The following EFCAB13 variants were observed in gnomAD, a reference collection of about 807,000 sequenced individuals.
EFCAB13 encodes the protein EF-hand calcium binding domain 13, also known as EF-hand calcium-binding domain-containing protein 13.
In EFCAB13, 91 loss-of-function variants were observed where a neutral mutation model predicts 110.2. The ratio of observed to expected loss-of-function variants is 0.83; its 90% CI spans 0.70 to 0.98. The LOEUF is 0.98. Among genes scored for constraint, EFCAB13 ranks in the 50% least tolerant of loss-of-function variants. The pLI, the probability that EFCAB13 is intolerant of heterozygous loss-of-function variation, is 0.00. For missense variants in EFCAB13, 968 were observed against 1,119.4 expected, an observed-to-expected ratio of 0.86 and a Z score of 1.93; for synonymous variants, 323 against 369.9, an observed-to-expected ratio of 0.87 and a Z score of 1.45.
rs1365987364 is a variant in EFCAB13 at position 47,432,477 on chromosome 17, A to C, written c.2638+2516A>C. 2.6e-5 allele frequency among the ~76,000 whole-genome samples: 4 copies of C among 152,036 alleles called. No homozygotes were observed. In the East Asian group the frequency reaches 7.7e-4, roughly 29 times the overall value. On this transcript the variant is annotated intron_variant, in intron 24 of 24. Coordinates refer to ENST00000331493, the MANE Select transcript of EFCAB13 (RefSeq NM_152347.5). ...TGTGATAGCGTGAGCCTGTAGTCTC[A>C]ACTACTTGGGGGGTTGAGGCAAGAA...
At chr17:47,355,550 ACTTC>A (rs1421697217) in intron 9 of EFCAB13, among the ~76,000 whole-genome samples, 1 of 149,586 alleles carries the variant, frequency 6.7e-6, no homozygotes, top group East Asian at 1.9e-4. Context: ...GTAATCCCAA[ACTTC>A]CTGGAGGCTT....
At position 47,409,635 on chromosome 17, in the gene EFCAB13, C is replaced by CT; in HGVS notation, c.2234-11dup. ...ATTCCTCATTGTGTAATGTCTCTCT[C>CT]TAAATTTGCAGATTTCAGGAAAGAG... is the stretch of plus-strand genomic sequence containing the variant. On this transcript the variant is annotated splice_polypyrimidine_tract_variant and intron_variant, in intron 20 of 24. Coordinates refer to ENST00000331493, the MANE Select transcript of EFCAB13 (RefSeq NM_152347.5). 3.1e-6 allele frequency: 5 copies of CT among 1,606,512 alleles called. No homozygotes were observed. The highest frequency in any genetic ancestry group is 4.3e-6 in the Non-Finnish European group (5 of 1,173,476).
intron 9 of EFCAB13, among the ~76,000 whole-genome samples, chr17:47,352,446 T>C (rs2065458835): frequency 6.6e-6 from 1 of 152,190 alleles, no homozygotes. Flanking sequence ...GTTCCACTGA[T>C]TTATGTTTCT....
In EFCAB13 at chr17:47,440,911, G is replaced by C. The variant is rs865885101; in HGVS notation, c.*197G>C. 1.4e-5 allele frequency: 6 copies of C among 433,678 alleles called. No homozygotes were observed. The highest frequency in any genetic ancestry group is 2.4e-5 in the Non-Finnish European group (6 of 249,798). The allele number at this position is 433,678 out of a possible 1,614,324, so 26.9% of individuals were successfully genotyped here. ...CTTTTTAAACATTCATGCTTTTTGA[G>C]GTATAATGTACATATGGCAAAATTC... On this transcript the variant is annotated 3_prime_UTR_variant, in exon 25 of 25. Transcript: ENST00000331493.
chr17:47,328,721 A>G (rs2065302392), intron 4 of EFCAB13: 1 of 203,854 alleles, frequency 4.9e-6, no homozygotes, highest in African/African-American at 2.3e-5. Flanking sequence ...CCAAAAAATA[A>G]TGTAGAGGAC....
chr17:47,417,058 T>G (rs908875217), intron 23 of EFCAB13, among the ~76,000 whole-genome samples: 2 of 152,218 alleles, frequency 1.3e-5, no homozygotes, highest in African/African-American at 2.4e-5. Flanking sequence ...AATGATTGAT[T>G]AACACATATC....
chr17:47,344,482 C>A (rs932961246), intron 7 of EFCAB13, among the ~76,000 whole-genome samples, 190 bp downstream of exon 7: 43 of 152,116 alleles, frequency 2.8e-4, no homozygotes, highest in Non-Finnish European at 4.3e-4. Context: ...ATTGACCTAA[C>A]ATGCTTAGAC....
At chr17:47,325,923 A>ATATAT (rs2065280385) in intron 2 of EFCAB13, among the ~76,000 whole-genome samples, 106 of 102,552 alleles carry the variant, frequency 1.0e-3, no homozygotes, top group African/African-American at 3.4e-3. Flanking sequence ...ATATAAACAA[A>ATATAT]ATATATATAT....
rs576103488 is a variant in EFCAB13, at chr17:47,399,210, A to G, written c.1946-2922A>G. 3.3e-5 allele frequency among the ~76,000 whole-genome samples: 5 copies of G among 152,320 alleles called. No homozygotes were observed. The East Asian group carries it at 9.6e-4, about 29-fold the overall frequency. ...GATTACAGGCATGAGCTACCGCACC[A>G]GGCCTGTGTTTATTATTCTGTACTT... On this transcript the variant is annotated intron_variant, in intron 17 of 24. Transcript: ENST00000331493.
intron 9 of EFCAB13, among the ~76,000 whole-genome samples, chr17:47,353,432 C>A (rs1468768017): frequency 6.6e-6 from 1 of 151,864 alleles, no homozygotes; most frequent in African/African-American, 2.4e-5. Flanking sequence ...GTAACTGGTA[C>A]TACAGGCATG....
intron 4 of EFCAB13, among the ~76,000 whole-genome samples, chr17:47,330,935 T>C (rs1317715331): frequency 6.6e-6 from 1 of 152,102 alleles, no homozygotes; most frequent in Non-Finnish European, 1.5e-5. Context: ...CAACATTTAT[T>C]GTTTTTTGAC....
intron 4 of EFCAB13, 57 bp from the exon 5 acceptor site, chr17:47,335,139 T>C: frequency 6.9e-7 from 1 of 1,453,668 alleles, no homozygotes; most frequent in Non-Finnish European, 9.2e-7. Flanking sequence ...CAGAATGTCA[T>C]ATTTAATATG....
intron 5 of EFCAB13, chr17:47,340,101 C>T (rs1200693686): frequency 6.6e-6 from 1 of 152,062 alleles, no homozygotes; most frequent in African/African-American, 2.4e-5. Flanking sequence ...TAAGTCTATG[C>T]GTTCAAAATG....
At chr17:47,418,857 A>G (rs1904537206) in intron 23 of EFCAB13, among the ~76,000 whole-genome samples, 1 of 152,172 alleles carries the variant, frequency 6.6e-6, no homozygotes, top group Non-Finnish European at 1.5e-5. Context: ...TCAATTGATC[A>G]TAGATGTATG....
At chr17:47,437,280 G>T (rs946955574) in intron 24 of EFCAB13, among the ~76,000 whole-genome samples, 2 of 152,096 alleles carry the variant, frequency 1.3e-5, no homozygotes, top group Non-Finnish European at 2.9e-5. Context: ...AAGTCCATTT[G>T]TTCCAAGGTA....
Position 47,405,191 on chromosome 17 carries a change from A to C in EFCAB13, c.2233+558A>C, listed in dbSNP as rs867857980. Among the ~76,000 whole-genome samples, 5 of 152,166 alleles carry C rather than the reference A, an allele frequency of 3.3e-5. No individual in the cohort carries two copies. In the South Asian group the frequency reaches 1.0e-3, roughly 31 times the overall value. The stretch of plus-strand genomic sequence containing the variant: ...ATGTTATACTAGAGGAATGAACTAT[A>C]ATTTTGTCCACAATACTTTTAATAA... On this transcript the variant is annotated intron_variant, in intron 20 of 24. Coordinates refer to ENST00000331493, the MANE Select transcript of EFCAB13 (RefSeq NM_152347.5).
At chr17:47,397,469 G>A (rs1276067733) in intron 17 of EFCAB13, among the ~76,000 whole-genome samples, 18 of 141,840 alleles carry the variant, frequency 1.3e-4, no homozygotes, top group Non-Finnish European at 2.5e-4. Flanking sequence ...CTGCCTGGCC[G>A]CCCATCGTCT....
At chr17:47,383,871 A>G (rs1202774282) in intron 14 of EFCAB13, among the ~76,000 whole-genome samples, 1 of 152,198 alleles carries the variant, frequency 6.6e-6, no homozygotes, top group African/African-American at 2.4e-5. Context: ...TCTAGAGCTG[A>G]GTTCAAGTCC....
At chr17:47,429,770 T>A in intron 23 of EFCAB13, 48 bp from the exon 24 acceptor site, 1 of 1,529,120 alleles carries the variant, frequency 6.5e-7, no homozygotes, top group South Asian at 1.3e-5. Context: ...TAATAACATA[T>A]GCTCTATTTC....
Sources: allele counts gnomAD v4.1 joint callset (sites outside exome capture counted in the v4.1 genomes callset), GRCh38; gene constraint gnomAD v4.1.1; transcripts MANE v1.5; gene names NCBI Gene and HGNC (gene_info 2026-07-23, HGNC 2026-07-21).